Variants in PRKAA1 observed in about 807,000 individuals in gnomAD.
PRKAA1 encodes the protein protein kinase AMP-activated catalytic subunit alpha 1.
A neutral mutation model predicts 56.9 loss-of-function variants in PRKAA1; 23 were observed. The ratio of observed to expected loss-of-function variants is 0.40; its 90% CI spans 0.29 to 0.57. The LOEUF is 0.57. Among genes scored for constraint, PRKAA1 ranks in the 20% least tolerant of loss-of-function variants. The pLI is 0.39. For synonymous variants in PRKAA1, 226 were observed against 227.0 expected (o/e 1.00, Z 0.04); for missense variants, 413 against 679.7 (o/e 0.61, Z 4.36).
intron 8 of PRKAA1, among the ~76,000 whole-genome samples, chr5:40,763,224 T>C (rs1312466214): frequency 3.9e-5 from 6 of 152,184 alleles, no homozygotes; most frequent in African/African-American, 1.4e-4. Context: ...TCAAGATAGC[T>C]AACCAAAGTT....
intron 6 of PRKAA1, among the ~76,000 whole-genome samples, chr5:40,765,974 G>T (rs1258968406): frequency 6.6e-6 from 1 of 151,814 alleles, no homozygotes; most frequent in Non-Finnish European, 1.5e-5. Context: ...AAGAACAATG[G>T]TTATCTTCTG....
chr5:40,795,034 CAA>C (rs1027997193), intron 1 of PRKAA1, among the ~76,000 whole-genome samples: 3 of 145,924 alleles, frequency 2.1e-5, no homozygotes, highest in African/African-American at 5.1e-5. Flanking sequence ...CACACACACA[CAA>C]AATGGAATAC....
At chr5:40,783,514 T>C (rs1347231652) in intron 1 of PRKAA1, among the ~76,000 whole-genome samples, 1 of 152,078 alleles carries the variant, frequency 6.6e-6, no homozygotes, top group Non-Finnish European at 1.5e-5. Flanking sequence ...ATCCCAGCAC[T>C]TTGGAGGACG....
At chr5:40,792,779 T>C (rs912281589) in intron 1 of PRKAA1, among the ~76,000 whole-genome samples, 2 of 152,064 alleles carry the variant, frequency 1.3e-5, no homozygotes, top group African/African-American at 4.8e-5. Context: ...CTTACGAACT[T>C]AGGCCAAGCA....
chr5:40,795,360 A>G (rs1744882432), intron 1 of PRKAA1, among the ~76,000 whole-genome samples: 1 of 152,152 alleles, frequency 6.6e-6, no homozygotes, highest in African/African-American at 2.4e-5. Flanking sequence ...ATGCAACCAA[A>G]TACCATCTGT....
chr5:40,779,050 C>A (rs1324898077), intron 1 of PRKAA1, among the ~76,000 whole-genome samples: 4 of 151,948 alleles, frequency 2.6e-5, no homozygotes. Context: ...CCACCAGCCT[C>A]AACTTCCCAA....
rs780896222 is a variant in PRKAA1 at position 40,765,194 on chromosome 5, G to A, written c.866C>T (p.Pro289Leu). ...FKQDLPKYLF[P>L]EDPSYSSTMI... ...GGTTGAACTATATGATGGATCCTCA[G>A]GAAAGAGATATTTTGGAAGGTCCTG... The change falls in exon 7 of 9, where the codon CCT (proline) becomes CTT (leucine). Residue 289 changes from proline to leucine, a missense_variant. By Grantham distance (98) the Pro-to-Leu change is moderately conservative. Coordinates refer to ENST00000397128, the MANE Select transcript of PRKAA1 (RefSeq NM_006251.6). 3.1e-6 allele frequency: 5 copies of A among 1,613,800 alleles called. No homozygotes were observed. Among genetic ancestry groups the A allele is most frequent in the Non-Finnish European group, 4.2e-6 (5 of 1,179,796 alleles).
At chr5:40,792,454 T>A (rs1422524129) in intron 1 of PRKAA1, among the ~76,000 whole-genome samples, 1 of 152,146 alleles carries the variant, frequency 6.6e-6, no homozygotes, top group Non-Finnish European at 1.5e-5. Context: ...TTCCTAGAAG[T>A]TGAATTGTTA....
Position 40,762,801 on chromosome 5 carries a change from G to C in PRKAA1, c.1657C>G (p.Leu553Val). 1 of 1,614,122 alleles carries C rather than the reference G, an allele frequency of 6.2e-7. No individual in the cohort carries two copies. Among genetic ancestry groups the C allele is most frequent in the Non-Finnish European group, 8.5e-7 (1 of 1,179,992 alleles). ...TIEFFEMCAN[L>V]IKILAQ is the part of the protein sequence containing the mutation. ...GTTTATTGTGCAAGAATTTTAATTA[G>C]ATTTGCACACATCTCAAAAAATTCT... Residue 553 changes from leucine (L) to valine (V), a missense_variant, in exon 9 of 9, where the codon CTA (leucine) becomes GTA (valine). By Grantham distance (32) the Leu-to-Val change is conservative. Coordinates refer to ENST00000397128, the MANE Select transcript of PRKAA1 (RefSeq NM_006251.6).
intron 1 of PRKAA1, among the ~76,000 whole-genome samples, chr5:40,797,322 T>C (rs1037302079): frequency 1.3e-4 from 20 of 152,190 alleles, no homozygotes; most frequent in African/African-American, 4.8e-4. Context: ...AAGTAATAAA[T>C]ACTATCTGGA....
At chr5:40,775,281 A>C in intron 3 of PRKAA1, 129 bp downstream of exon 3, 1 of 746,844 alleles carries the variant, frequency 1.3e-6, no homozygotes. Context: ...TTATGATTCT[A>C]AACAAATATA....
chr5:40,768,418 TAAC>T, intron 5 of PRKAA1: 1 of 920,548 alleles, frequency 1.1e-6, no homozygotes, highest in Non-Finnish European at 1.3e-6. Context: ...TTTATTTAAA[TAAC>T]AACTTTCCAC....
At chr5:40,783,028 C>T (rs1373529194) in intron 1 of PRKAA1, among the ~76,000 whole-genome samples, 1 of 152,090 alleles carries the variant, frequency 6.6e-6, no homozygotes, top group African/African-American at 2.4e-5. Context: ...AAAGTATGAT[C>T]GTATCACAGT....
intron 6 of PRKAA1, among the ~76,000 whole-genome samples, chr5:40,765,892 A>G (rs1743410150): frequency 6.6e-6 from 1 of 152,108 alleles, no homozygotes; most frequent in African/African-American, 2.4e-5. Flanking sequence ...TATATTTAAG[A>G]ATATGTTTGA....
chr5:40,762,262 A>T lies in PRKAA1; in HGVS notation c.*516T>A, dbSNP rs1056822558. ...ACTCCAGCCTGGGTGACAAAGTGAC[A>T]CTGTCTCAAAAAAACAAAGAGGGAG... is the stretch of plus-strand genomic sequence containing the variant. On this transcript the variant is annotated 3_prime_UTR_variant, in exon 9 of 9. Coordinates refer to ENST00000397128, the MANE Select transcript of PRKAA1 (RefSeq NM_006251.6). 2 of 156,270 alleles carry T rather than the reference A, an allele frequency of 1.3e-5. No individual in the cohort carries two copies. The highest frequency in any genetic ancestry group is 4.8e-5 in the African/African-American group (2 of 41,452). The allele number at this position is 156,270 out of a possible 1,614,324, so 9.7% of individuals were successfully genotyped here.
At position 40,760,945 on chromosome 5, in the gene PRKAA1, TATC is replaced by T. The variant is rs1743158871; in HGVS notation, c.*1830_*1832del. On this transcript the variant is annotated 3_prime_UTR_variant, in exon 9 of 9. Coordinates refer to ENST00000397128, the MANE Select transcript of PRKAA1 (RefSeq NM_006251.6). ...AAGGCAAATATAAATGATACAATATTATCATACACGATACCAATTTTATCTGAG... is the reference window on the plus strand; with the variant it reads ...AAGGCAAATATAAATGATACAATATTATACACGATACCAATTTTATCTGAG... 1 of 152,306 alleles carries T rather than the reference TATC, an allele frequency of 6.6e-6. No homozygotes were observed. The highest frequency in any genetic ancestry group is 1.5e-5 in the Non-Finnish European group (1 of 67,992). The allele number at this position is 152,306 out of a possible 1,614,324, so 9.4% of individuals were successfully genotyped here.
intron 1 of PRKAA1, among the ~76,000 whole-genome samples, chr5:40,786,919 C>G (rs1229041794): frequency 6.6e-6 from 1 of 151,316 alleles, no homozygotes; most frequent in Admixed American, 6.6e-5. Flanking sequence ...GATCTCACCA[C>G]TGCACTCTGG....
chr5:40,788,778 G>C (rs1422108074), intron 1 of PRKAA1, among the ~76,000 whole-genome samples: 1 of 152,086 alleles, frequency 6.6e-6, no homozygotes, highest in Non-Finnish European at 1.5e-5. Context: ...AGTGAGCCAA[G>C]ATCACGCCAT....
At chr5:40,769,341 C>T in intron 5 of PRKAA1, 75 bp downstream of exon 5, 2 of 1,146,540 alleles carry the variant, frequency 1.7e-6, no homozygotes, top group Non-Finnish European at 2.6e-6. Context: ...TTAAATATGA[C>T]ACTATAGACT....
Sources: gnomAD v4.1 joint callset for allele counts (sites outside exome capture counted in the v4.1 genomes callset) on GRCh38, gnomAD v4.1.1 for gene constraint, MANE v1.5 for transcripts, NCBI Gene and HGNC (gene_info 2026-07-23, HGNC 2026-07-21) for gene names.